MDGA2: variants seen among roughly 807,000 people sequenced by gnomAD.
MDGA2 encodes the protein MAM domain containing glycosylphosphatidylinositol anchor 2.
A neutral mutation model predicts 117.8 loss-of-function variants in MDGA2; 40 were observed. That is an observed-to-expected ratio of 0.34 (90% CI 0.26 to 0.44). MDGA2 has a LOEUF of 0.44. MDGA2 is among the 20% of genes least tolerant of loss of function. The pLI, the probability that MDGA2 is intolerant of heterozygous loss-of-function variation, is 1.00. For synonymous variants in MDGA2, 452 were observed against 439.0 expected (o/e 1.03, Z -0.37); for missense variants, 1,123 against 1,250.6 (o/e 0.90, Z 1.54).
At chr14:47,423,516 G>T (rs988258635) in intron 1 of MDGA2, among the ~76,000 whole-genome samples, 2 of 151,774 alleles carry the variant, frequency 1.3e-5, no homozygotes, top group Non-Finnish European at 2.9e-5. Context: ...GCTACTAATT[G>T]TCAGTCTTTA....
At chr14:47,158,686 C>G (rs1025778241) in intron 3 of MDGA2, among the ~76,000 whole-genome samples, 1 of 152,142 alleles carries the variant, frequency 6.6e-6, no homozygotes, top group East Asian at 1.9e-4. Flanking sequence ...AACTCCTCAC[C>G]TCAGGTGATC....
chr14:47,219,396 A>G lies in MDGA2; in HGVS notation c.421-1201T>C, dbSNP rs373798337. Among the ~76,000 whole-genome samples, 6 of 152,212 alleles carry G rather than the reference A, an allele frequency of 3.9e-5. No individual in the cohort carries two copies. In the South Asian group the frequency reaches 8.3e-4, roughly 21 times the overall value. ...GAATTTTAAAAATCTGTAAATCACA[A>G]AAAGAAATATCAATATTTATTCCAA... On this transcript the variant is annotated intron_variant, in intron 2 of 16. Coordinates refer to ENST00000399232, the MANE Select transcript of MDGA2 (RefSeq NM_001113498.3).
At chr14:47,637,924 A>T (rs1431439694) in intron 1 of MDGA2, among the ~76,000 whole-genome samples, 2 of 152,210 alleles carry the variant, frequency 1.3e-5, no homozygotes, top group Non-Finnish European at 2.9e-5. Context: ...TGTTACCCAA[A>T]GAGATGATAT....
At chr14:47,090,703 T>A (rs1382450397) in intron 6 of MDGA2, among the ~76,000 whole-genome samples, 1 of 152,130 alleles carries the variant, frequency 6.6e-6, no homozygotes. Flanking sequence ...AGAAGCTACA[T>A]TAGAAAAACC....
At chr14:47,258,291 G>A (rs776261074) in intron 2 of MDGA2, among the ~76,000 whole-genome samples, 3 of 152,236 alleles carry the variant, frequency 2.0e-5, no homozygotes, top group Non-Finnish European at 2.9e-5. Flanking sequence ...TAACAGTTCT[G>A]CAGGCTGTAC....
chr14:47,476,282 C>A (rs963300718), intron 1 of MDGA2, among the ~76,000 whole-genome samples: 4 of 152,090 alleles, frequency 2.6e-5, no homozygotes, highest in African/African-American at 9.6e-5. Context: ...TTCAACAAAA[C>A]TTAACAAAAC....
intron 3 of MDGA2, among the ~76,000 whole-genome samples, chr14:47,206,062 G>GA (rs956672807): frequency 6.6e-6 from 1 of 151,856 alleles, no homozygotes; most frequent in African/African-American, 2.4e-5. Flanking sequence ...GCTGTTCATA[G>GA]AAAAAAGAAA....
intron 1 of MDGA2, among the ~76,000 whole-genome samples, chr14:47,453,177 CAA>C (rs78699845): frequency 2.0e-4 from 30 of 151,852 alleles, no homozygotes; most frequent in Non-Finnish European, 2.7e-4. Context: ...GAAGAAATGT[CAA>C]AAGAGTAACT....
intron 1 of MDGA2, among the ~76,000 whole-genome samples, chr14:47,622,143 A>G (rs1897060880): frequency 6.6e-6 from 1 of 152,242 alleles, no homozygotes; most frequent in South Asian, 2.1e-4. Context: ...TAGAAGAGTG[A>G]CAGTTACTTA....
chr14:46,851,983 C>T (rs1246073440), intron 15 of MDGA2, among the ~76,000 whole-genome samples: 1 of 151,300 alleles, frequency 6.6e-6, no homozygotes, highest in East Asian at 1.9e-4. Flanking sequence ...ACAAAAGTGG[C>T]ATGGGATTGT....
chr14:47,217,540 G>A lies in MDGA2; in HGVS notation c.595+481C>T, dbSNP rs76984377. ...GAATTGGACCAAAAGCAGACTATAC[G>A]TAGAGATTTTTGGTCATTTACAGGC... On this transcript the variant is annotated intron_variant, in intron 3 of 16. Coordinates refer to ENST00000399232, the MANE Select transcript of MDGA2 (RefSeq NM_001113498.3). Among the ~76,000 whole-genome samples the A allele has an allele frequency of 9.4e-3, 1,432 of 151,978 alleles. 19 individuals are homozygous for A. The highest frequency in any genetic ancestry group is 0.032 in the African/African-American group (1,318 of 41,464).
intron 1 of MDGA2, among the ~76,000 whole-genome samples, chr14:47,565,836 G>A (rs1895906990): frequency 6.6e-6 from 1 of 152,168 alleles, no homozygotes; most frequent in Non-Finnish European, 1.5e-5. Context: ...GGCAATTTCT[G>A]TCCAGGTGTT....
At chr14:47,116,469 G>T (rs1168466999) in intron 5 of MDGA2, among the ~76,000 whole-genome samples, 6 of 152,002 alleles carry the variant, frequency 3.9e-5, no homozygotes, top group Non-Finnish European at 8.8e-5. Context: ...CTTGAGGATG[G>T]AGAACAAAGC....
intron 1 of MDGA2, among the ~76,000 whole-genome samples, chr14:47,430,860 G>A (rs747383659): frequency 4.9e-4 from 75 of 152,098 alleles, no homozygotes; most frequent in Non-Finnish European, 8.5e-4. Context: ...CTAGGGGCAA[G>A]TTAATTAATT....
intron 1 of MDGA2, among the ~76,000 whole-genome samples, chr14:47,423,390 T>A (rs752971682): frequency 1.3e-5 from 2 of 152,210 alleles, no homozygotes; most frequent in Non-Finnish European, 2.9e-5. Context: ...CTGATATCCA[T>A]CTACCAGATA....
intron 10 of MDGA2, among the ~76,000 whole-genome samples, chr14:46,904,092 G>A (rs1322030774): frequency 1.3e-5 from 2 of 152,154 alleles, no homozygotes; most frequent in African/African-American, 2.4e-5. Flanking sequence ...GGCCAGGCAT[G>A]GTGGCTCATG....
At chr14:47,556,588 C>T (rs192903068) in intron 1 of MDGA2, among the ~76,000 whole-genome samples, 52 of 152,288 alleles carry the variant, frequency 3.4e-4, no homozygotes, top group African/African-American at 1.2e-3. Context: ...CCCTAATACA[C>T]CAGCTGGAAC....
In MDGA2 at chr14:46,881,318, T is replaced by C. The variant is rs572767778; in HGVS notation, c.2416+726A>G. ...CAACATTCTCGAAAAGGAGAAACTA[T>C]AGACAGAGTAAACATATCATTGGTT... On this transcript the variant is annotated intron_variant, in intron 11 of 16. Coordinates refer to ENST00000399232, the MANE Select transcript of MDGA2 (RefSeq NM_001113498.3). 2.0e-4 allele frequency among the ~76,000 whole-genome samples: 31 copies of C among 152,246 alleles called. No individual in the cohort carries two copies. The South Asian group carries it at 5.4e-3, about 26-fold the overall frequency.
chr14:47,033,163 A>C (rs1320164453), intron 8 of MDGA2, among the ~76,000 whole-genome samples: 1 of 152,178 alleles, frequency 6.6e-6, no homozygotes, highest in Non-Finnish European at 1.5e-5. Flanking sequence ...TGCTGAATTT[A>C]TTTTCTAGCG....
Sources: allele counts gnomAD v4.1 joint callset (sites outside exome capture counted in the v4.1 genomes callset), GRCh38; gene constraint gnomAD v4.1.1; transcripts MANE v1.5; gene names NCBI Gene and HGNC (gene_info 2026-07-23, HGNC 2026-07-21).